TTC23L: variants seen among roughly 807,000 people sequenced by gnomAD.
TTC23L encodes the protein tetratricopeptide repeat protein 23-like.
A neutral mutation model predicts 48.1 loss-of-function variants in TTC23L; 42 were observed. The ratio of observed to expected loss-of-function variants is 0.87; its 90% CI spans 0.68 to 1.13. The LOEUF (loss-of-function observed/expected upper bound fraction) is 1.13. Ranked by LOEUF, TTC23L falls within the 50% of genes most tolerant of loss-of-function variation. TTC23L has a pLI of 0.00. For synonymous variants in TTC23L, 159 were observed against 157.2 expected (o/e 1.01, Z -0.09); for missense variants, 391 against 421.0 (o/e 0.93, Z 0.62).
At chr5:34,898,112 T>C (rs1299739559) in intron 10 of TTC23L, among the ~76,000 whole-genome samples, 1 of 152,208 alleles carries the variant, frequency 6.6e-6, no homozygotes, top group Non-Finnish European at 1.5e-5. Context: ...TAATGCATTA[T>C]ATGTAAAGTG....
At chr5:34,903,766 CA>C (rs981938765), downstream of TTC23L, among the ~76,000 whole-genome samples, 5 of 152,254 alleles carry the variant, frequency 3.3e-5, no homozygotes, top group Admixed American at 3.3e-4. Context: ...CCAATCCAAT[CA>C]AACACCTGAC....
chr5:34,915,305 C>T, the TTC23L span: 7 of 273,120 alleles, frequency 2.6e-5, no homozygotes, highest in Non-Finnish European at 4.9e-5. Flanking sequence ...GCGGGGCGGG[C>T]CCGGAGTGTC....
At chr5:34,882,019 G>C (rs1396651792) in intron 9 of TTC23L, among the ~76,000 whole-genome samples, 1 of 152,142 alleles carries the variant, frequency 6.6e-6, no homozygotes, top group Non-Finnish European at 1.5e-5. Flanking sequence ...CTCCCAAAGT[G>C]CTAAGATTAG....
intron 8 of TTC23L, among the ~76,000 whole-genome samples, chr5:34,878,936 A>T (rs987734824): frequency 1.1e-4 from 17 of 152,356 alleles, no homozygotes; most frequent in Middle Eastern, 6.8e-3. Context: ...AGATAACAGA[A>T]TCAGTCTAAG....
chr5:34,901,235 A>C (rs1036055622), downstream of TTC23L, among the ~76,000 whole-genome samples: 4 of 152,108 alleles, frequency 2.6e-5, no homozygotes, highest in Admixed American at 6.6e-5. Flanking sequence ...AAAAAAAAAA[A>C]CTTCCAATGT....
chr5:34,893,177 C>T (rs1321877130), intron 9 of TTC23L, among the ~76,000 whole-genome samples: 1 of 152,038 alleles, frequency 6.6e-6, no homozygotes, highest in Non-Finnish European at 1.5e-5. Flanking sequence ...TGGGACCAGT[C>T]AGATGTGAGG....
chr5:34,901,537 C>T (rs527617122), downstream of TTC23L, among the ~76,000 whole-genome samples: 2 of 151,902 alleles, frequency 1.3e-5, no homozygotes, highest in South Asian at 4.2e-4. Flanking sequence ...CCGAGGCAGG[C>T]GGATCATCTG....
chr5:34,888,486 G>T, intron 9 of TTC23L: 1 of 985,178 alleles, frequency 1.0e-6, no homozygotes, highest in Non-Finnish European at 1.2e-6. Flanking sequence ...GTATATGGAG[G>T]TGAACACAGT....
chr5:34,887,038 G>A (rs1762585705), intron 9 of TTC23L, among the ~76,000 whole-genome samples: 2 of 152,192 alleles, frequency 1.3e-5, no homozygotes, highest in Non-Finnish European at 2.9e-5. Context: ...TAAAACCTAA[G>A]TTTATTCAAA....
chr5:34,917,552 A>C, the TTC23L span, among the ~76,000 whole-genome samples: 1 of 152,160 alleles, frequency 6.6e-6, no homozygotes, highest in African/African-American at 2.4e-5. Context: ...AGGCAGGAGA[A>C]TCGCTTGAAC....
intron 8 of TTC23L, among the ~76,000 whole-genome samples, chr5:34,879,972 G>A (rs2111649166): frequency 6.6e-6 from 1 of 152,254 alleles, no homozygotes; most frequent in South Asian, 2.1e-4. Context: ...CCCCAGCCTG[G>A]CAACAGAGTG....
downstream of TTC23L, among the ~76,000 whole-genome samples, chr5:34,901,862 A>G (rs1053932097): frequency 2.6e-5 from 4 of 152,196 alleles, no homozygotes; most frequent in African/African-American, 9.6e-5. Flanking sequence ...TGGATCACAG[A>G]TGATTACTCT....
At chr5:34,920,950 T>C in the TTC23L span, 7 of 152,198 alleles carry the variant, frequency 4.6e-5, no homozygotes, top group African/African-American at 1.4e-4. Context: ...CTGCAGCCTC[T>C]GCTTCCTGGG....
chr5:34,922,020 A>T, the TTC23L span: 1 of 346,212 alleles, frequency 2.9e-6, no homozygotes, highest in African/African-American at 2.1e-5. Context: ...TGGGCAGAGC[A>T]TCTAGTTTAC....
At chr5:34,910,356 G>A in the TTC23L span, among the ~76,000 whole-genome samples, 1 of 151,588 alleles carries the variant, frequency 6.6e-6, no homozygotes, top group South Asian at 2.1e-4. Flanking sequence ...TTCCATTTTG[G>A]TTAACTTTCT....
intron 9 of TTC23L, among the ~76,000 whole-genome samples, chr5:34,886,144 G>C (rs1428180370): frequency 9.2e-5 from 14 of 152,196 alleles, no homozygotes; most frequent in Non-Finnish European, 1.5e-5. Context: ...TATAATAACA[G>C]TTCCTCTCTT....
intron 8 of TTC23L, among the ~76,000 whole-genome samples, chr5:34,874,456 T>C (rs1207122571): frequency 1.3e-5 from 2 of 152,214 alleles, no homozygotes; most frequent in African/African-American, 4.8e-5. Flanking sequence ...CTTGGAATGA[T>C]TGTAAATGTA....
downstream of TTC23L, among the ~76,000 whole-genome samples, chr5:34,900,677 A>G (rs945855685): frequency 6.6e-6 from 1 of 152,180 alleles, no homozygotes; most frequent in African/African-American, 2.4e-5. Flanking sequence ...TTGTAATGTC[A>G]TGACTTCTAC....
the TTC23L span, chr5:34,914,778 G>A: frequency 6.2e-7 from 1 of 1,614,214 alleles, no homozygotes; most frequent in Non-Finnish European, 8.5e-7. Flanking sequence ...CACGTGGCAT[G>A]TTCTCGGAAA....
Sources: allele counts gnomAD v4.1 joint callset (sites outside exome capture counted in the v4.1 genomes callset), GRCh38; gene constraint gnomAD v4.1.1; transcripts MANE v1.5; gene names NCBI Gene and HGNC (gene_info 2026-07-23, HGNC 2026-07-21).